RBFOX1: variants seen among roughly 807,000 people sequenced by gnomAD.
The protein encoded by RBFOX1 is RNA binding protein fox-1 homolog 1.
Under a neutral mutation model 57.7 loss-of-function variants are expected in RBFOX1, and 8 were observed. The observed-to-expected ratio is 0.14, with a 90% confidence interval of 0.08 to 0.25. The LOEUF is 0.25. Among genes scored for constraint, RBFOX1 ranks in the 10% least tolerant of loss-of-function variants. The pLI is 1.00. For synonymous variants in RBFOX1, 326 were observed against 222.4 expected, an observed-to-expected ratio of 1.47 and a Z score of -4.15; for missense variants, 611 against 548.5, an observed-to-expected ratio of 1.11 and a Z score of -1.14.
chr16:7,550,323 GC>G (rs1305093757), intron 5 of RBFOX1, among the ~76,000 whole-genome samples: 1 of 151,510 alleles, frequency 6.6e-6, no homozygotes, highest in Non-Finnish European at 1.5e-5. Flanking sequence ...GGAATCCTCT[GC>G]CCGTGAAGGT....
intron 3 of RBFOX1, among the ~76,000 whole-genome samples, chr16:7,000,592 C>CT (rs1568307066): frequency 3.6e-5 from 3 of 84,054 alleles, no homozygotes; most frequent in Admixed American, 1.3e-4. Context: ...CTTTCTTTTT[C>CT]TTTCTTTTTT....
intron 3 of RBFOX1, among the ~76,000 whole-genome samples, chr16:6,695,909 T>G (rs1349275798): frequency 6.6e-6 from 1 of 152,176 alleles, no homozygotes; most frequent in Non-Finnish European, 1.5e-5. Flanking sequence ...AAATTGCATA[T>G]GGTGAAAATA....
At chr16:6,840,483 A>C (rs903559396) in intron 3 of RBFOX1, among the ~76,000 whole-genome samples, 3 of 152,124 alleles carry the variant, frequency 2.0e-5, no homozygotes, top group Non-Finnish European at 4.4e-5. Flanking sequence ...ATGTCCCCCT[A>C]AATTTGTGTG....
chr16:6,311,754 T>C (rs897360528), intron 1 of RBFOX1, among the ~76,000 whole-genome samples: 1 of 152,188 alleles, frequency 6.6e-6, no homozygotes, highest in Non-Finnish European at 1.5e-5. Flanking sequence ...GTTATGTGGC[T>C]GGGAGTCACT....
At chr16:5,606,329 G>A (rs113211749) in intron 3 of RBFOX1, among the ~76,000 whole-genome samples, 3,931 of 151,996 alleles carry the variant, frequency 0.026, 104 homozygotes, top group African/African-American at 0.069. Flanking sequence ...TCTCCCCTCA[G>A]ATCTGACCAT....
chr16:5,281,505 C>T (rs1468874998), intron 1 of RBFOX1, among the ~76,000 whole-genome samples: 2 of 152,086 alleles, frequency 1.3e-5, no homozygotes, highest in African/African-American at 4.8e-5. Flanking sequence ...GATGAACTGT[C>T]CAATGCTGAG....
intron 4 of RBFOX1, among the ~76,000 whole-genome samples, chr16:7,114,593 G>T (rs1167219794): frequency 6.6e-6 from 1 of 152,152 alleles, no homozygotes; most frequent in Non-Finnish European, 1.5e-5. Flanking sequence ...TCTAGCCCAA[G>T]ATCTTTCTCT....
chr16:7,523,500 T>C (rs1398075939), intron 5 of RBFOX1, among the ~76,000 whole-genome samples: 3 of 152,038 alleles, frequency 2.0e-5, no homozygotes, highest in Non-Finnish European at 4.4e-5. Context: ...ATTCCTAGAG[T>C]ATTTGAATGG....
chr16:6,089,166 G>A (rs1223566670), intron 1 of RBFOX1, among the ~76,000 whole-genome samples: 3 of 151,926 alleles, frequency 2.0e-5, no homozygotes, highest in South Asian at 2.1e-4. Context: ...TTTATAAGAT[G>A]CTGCGAGAAT....
chr16:7,166,256 C>T (rs985049951), intron 4 of RBFOX1, among the ~76,000 whole-genome samples: 3 of 142,586 alleles, frequency 2.1e-5, no homozygotes, highest in Admixed American at 7.8e-5. Flanking sequence ...TCAAGTGATC[C>T]ACCCTTGTCG....
intron 3 of RBFOX1, among the ~76,000 whole-genome samples, chr16:6,969,705 C>T (rs1398933936): frequency 1.3e-5 from 2 of 152,042 alleles, no homozygotes; most frequent in African/African-American, 4.8e-5. Context: ...AATAGTGCCA[C>T]CTCACTCCAG....
chr16:6,153,936 G>T (rs577639274), intron 1 of RBFOX1, among the ~76,000 whole-genome samples: 1 of 152,096 alleles, frequency 6.6e-6, no homozygotes, highest in Non-Finnish European at 1.5e-5. Flanking sequence ...AGGTGACCTC[G>T]TTCTAATTTT....
intron 5 of RBFOX1, among the ~76,000 whole-genome samples, chr16:7,553,143 T>G (rs8049085): frequency 0.62 from 94,836 of 151,842 alleles, 33,351 homozygotes; most frequent in Non-Finnish European, 0.8. Flanking sequence ...ATTTTAAAAT[T>G]TTATTTCTTT....
intron 3 of RBFOX1, among the ~76,000 whole-genome samples, chr16:6,816,803 G>C (rs567104045): frequency 6.6e-6 from 1 of 151,732 alleles, no homozygotes; most frequent in Admixed American, 6.6e-5. Context: ...GGACTGCAGT[G>C]ATGCAATCAT....
chr16:5,247,309 C>G (rs1414096218), intron 1 of RBFOX1, among the ~76,000 whole-genome samples: 2 of 152,198 alleles, frequency 1.3e-5, no homozygotes, highest in African/African-American at 4.8e-5. Context: ...TATCCTTCCA[C>G]GATGCTTTCT....
chr16:7,145,988 C>G (rs1016423757), intron 4 of RBFOX1, among the ~76,000 whole-genome samples: 1 of 152,212 alleles, frequency 6.6e-6, no homozygotes, highest in Non-Finnish European at 1.5e-5. Context: ...GTCACCCCAT[C>G]TGTGTCCACA....
At chr16:6,591,641 C>G (rs2097712804) in intron 2 of RBFOX1, among the ~76,000 whole-genome samples, 2 of 152,108 alleles carry the variant, frequency 1.3e-5, no homozygotes, top group Non-Finnish European at 2.9e-5. Flanking sequence ...ATATCTCTGT[C>G]TTAGTCTTAG....
At chr16:7,128,053 C>G (rs2069083556) in intron 4 of RBFOX1, among the ~76,000 whole-genome samples, 1 of 152,206 alleles carries the variant, frequency 6.6e-6, no homozygotes, top group African/African-American at 2.4e-5. Flanking sequence ...ACATCGTCCT[C>G]TGGCAAATTC....
chr16:5,648,475 T>G (rs1241131890), intron 3 of RBFOX1, among the ~76,000 whole-genome samples: 1 of 152,084 alleles, frequency 6.6e-6, no homozygotes, highest in Admixed American at 6.5e-5. Context: ...TGATGTTCCC[T>G]AGGGGAATTT....
Sources: gnomAD v4.1 joint callset for allele counts (sites outside exome capture counted in the v4.1 genomes callset) on GRCh38, gnomAD v4.1.1 for gene constraint, MANE v1.5 for transcripts, NCBI Gene and HGNC (gene_info 2026-07-23, HGNC 2026-07-21) for gene names.